Variants in CDH13 observed in about 807,000 individuals in gnomAD.
CDH13 encodes cadherin-13.
In CDH13, 24 loss-of-function variants were observed where a neutral mutation model predicts 63.8. The observed-to-expected ratio is 0.38, with a 90% CI of 0.27 to 0.53. The LOEUF is 0.53. Among genes scored for constraint, CDH13 ranks in the 20% least tolerant of loss-of-function variants. CDH13 has a pLI of 0.85. For synonymous variants in CDH13, 503 were observed against 355.3 expected (o/e 1.42, Z -4.67); for missense variants, 1,049 against 903.1 (o/e 1.16, Z -2.07).
intron 6 of CDH13, among the ~76,000 whole-genome samples, chr16:83,382,478 A>T (rs560894442): frequency 1.3e-5 from 2 of 152,070 alleles, no homozygotes; most frequent in South Asian, 4.2e-4. Context: ...CGTACACTCT[A>T]TCTCCCTATG....
chr16:82,849,870 T>A (rs1378707481), intron 1 of CDH13, among the ~76,000 whole-genome samples: 1 of 152,214 alleles, frequency 6.6e-6, no homozygotes, highest in Non-Finnish European at 1.5e-5. Context: ...GTACATCTGT[T>A]TACAACATGA....
intron 7 of CDH13, among the ~76,000 whole-genome samples, chr16:83,576,738 CT>C (rs1202880700): frequency 6.6e-6 from 1 of 152,172 alleles, no homozygotes; most frequent in African/African-American, 2.4e-5. Flanking sequence ...ATAGTTTTGA[CT>C]TACATTTATG....
chr16:82,693,006 C>G (rs761964631), intron 1 of CDH13, among the ~76,000 whole-genome samples: 14 of 152,168 alleles, frequency 9.2e-5, no homozygotes, highest in African/African-American at 3.1e-4. Flanking sequence ...GATTCTCTCT[C>G]TTGCTGGCTT....
intron 2 of CDH13, among the ~76,000 whole-genome samples, chr16:82,901,328 G>T (rs1015424328): frequency 7.7e-6 from 1 of 129,870 alleles, no homozygotes; most frequent in Admixed American, 7.4e-5. Context: ...ATTCTCCTGT[G>T]TGTGTGTGTG....
At chr16:83,521,567 C>G (rs1053707550) in intron 7 of CDH13, among the ~76,000 whole-genome samples, 1 of 152,068 alleles carries the variant, frequency 6.6e-6, no homozygotes, top group African/African-American at 2.4e-5. Context: ...TTGTTAAATC[C>G]CTTGTGAGTT....
intron 6 of CDH13, among the ~76,000 whole-genome samples, chr16:83,373,881 C>T (rs1216181299): frequency 2.0e-5 from 3 of 152,078 alleles, no homozygotes; most frequent in Non-Finnish European, 4.4e-5. Flanking sequence ...GAACAGAGAC[C>T]ACCAGCATGG....
chr16:82,737,819 A>G (rs546206071), intron 1 of CDH13, among the ~76,000 whole-genome samples: 2 of 152,310 alleles, frequency 1.3e-5, no homozygotes, highest in African/African-American at 2.4e-5. Flanking sequence ...ATTGACCTAC[A>G]AAAAATTGCT....
chr16:83,077,415 A>G (rs1027740174), intron 3 of CDH13, among the ~76,000 whole-genome samples: 3 of 149,420 alleles, frequency 2.0e-5, no homozygotes, highest in Non-Finnish European at 3.0e-5. Context: ...CTGGTCTCGA[A>G]CTCCTGACCT....
chr16:83,235,152 C>T (rs1289239541), intron 5 of CDH13, among the ~76,000 whole-genome samples: 3 of 152,180 alleles, frequency 2.0e-5, no homozygotes, highest in Non-Finnish European at 4.4e-5. Context: ...CTGCGGTGAA[C>T]TATGATTACA....
At chr16:83,000,405 C>A (rs1294615059) in intron 2 of CDH13, among the ~76,000 whole-genome samples, 1 of 149,798 alleles carries the variant, frequency 6.7e-6, no homozygotes. Context: ...CCCGCCACCA[C>A]GCCCAGCTAA....
In CDH13 at chr16:82,860,993, A is replaced by C. The variant is rs532791886; in HGVS notation, c.157+2520A>C. 2.6e-5 allele frequency among the ~76,000 whole-genome samples: 4 copies of C among 152,262 alleles called. No individual in the cohort carries two copies. In the South Asian group the frequency reaches 8.3e-4, roughly 32 times the overall value. On this transcript the variant is annotated intron_variant, in intron 2 of 13. Transcript: ENST00000567109. ...AAACAAAAACCTTCTGTCTCTGAAAAACGTGATTAATCAAGAAACCAATGA... is the reference window on the plus strand; with the variant it reads ...AAACAAAAACCTTCTGTCTCTGAAACACGTGATTAATCAAGAAACCAATGA...
intron 5 of CDH13, among the ~76,000 whole-genome samples, chr16:83,279,851 T>TTG (rs1309682683): frequency 1.3e-5 from 2 of 151,794 alleles, no homozygotes; most frequent in Non-Finnish European, 2.9e-5. Context: ...GATTTTTTTT[T>TTG]TTGCTTTTCC....
chr16:83,230,704 T>C (rs1164991636), intron 5 of CDH13, among the ~76,000 whole-genome samples: 1 of 152,070 alleles, frequency 6.6e-6, no homozygotes, highest in Non-Finnish European at 1.5e-5. Context: ...GGAGAATCGT[T>C]TGAACCCAGG....
At chr16:83,123,137 C>T (rs1221167210) in intron 3 of CDH13, among the ~76,000 whole-genome samples, 2 of 151,474 alleles carry the variant, frequency 1.3e-5, no homozygotes, top group Non-Finnish European at 2.9e-5. Context: ...TATTTTATGG[C>T]ATGTGCGTGT....
chr16:82,994,297 A>T (rs1911969371), intron 2 of CDH13, among the ~76,000 whole-genome samples: 1 of 152,078 alleles, frequency 6.6e-6, no homozygotes, highest in South Asian at 2.1e-4. Context: ...ACTCCTCCTC[A>T]TCCTGACTTA....
At chr16:82,726,709 T>A (rs2033116709) in intron 1 of CDH13, among the ~76,000 whole-genome samples, 2 of 152,250 alleles carry the variant, frequency 1.3e-5, no homozygotes, top group African/African-American at 4.8e-5. Context: ...AGAAAATTTG[T>A]AAGAGTTAGC....
At chr16:83,112,444 C>T (rs533013961) in intron 3 of CDH13, among the ~76,000 whole-genome samples, 6 of 152,110 alleles carry the variant, frequency 3.9e-5, no homozygotes, top group East Asian at 1.9e-4. Context: ...TGTTTCTGTG[C>T]GGTATGTGTA....
intron 6 of CDH13, among the ~76,000 whole-genome samples, chr16:83,361,561 A>G (rs1179583494): frequency 6.6e-6 from 1 of 152,162 alleles, no homozygotes; most frequent in African/African-American, 2.4e-5. Context: ...TTACAGTTTG[A>G]GGTTTTAAAT....
rs142081373 is a variant in CDH13 at position 83,725,254 on chromosome 16, C to T, written c.1539-22854C>T. 2.3e-3 allele frequency among the ~76,000 whole-genome samples: 350 copies of T among 152,278 alleles called. 2 individuals are homozygous for T. The highest frequency in any genetic ancestry group is 4.8e-3 in the African/African-American group (201 of 41,562). ...AATGGGATAAACAAAGGCATGGTGG[C>T]CAAGAGAGCTAGATCCGTTCACTCA... On this transcript the variant is annotated intron_variant, in intron 10 of 13. Transcript: ENST00000567109.
Sources: allele counts gnomAD v4.1 joint callset (sites outside exome capture counted in the v4.1 genomes callset), GRCh38; gene constraint gnomAD v4.1.1; transcripts MANE v1.5; gene names NCBI Gene and HGNC (gene_info 2026-07-23, HGNC 2026-07-21).